The following LRP2 variants were observed in gnomAD, a reference collection of about 807,000 sequenced individuals.
LRP2 encodes the protein low-density lipoprotein receptor-related protein 2.
In LRP2, 172 loss-of-function variants were observed where a neutral mutation model predicts 531.0. The ratio of observed to expected loss-of-function variants is 0.32; its 90% confidence interval spans 0.29 to 0.37. The LOEUF is 0.37. LRP2 is among the 10% of genes least tolerant of loss of function. The pLI is 1.00. For synonymous variants in LRP2, 1,992 were observed against 2,027.6 expected, an observed-to-expected ratio of 0.98 and a Z score of 0.47; for missense variants, 5,167 against 5,868.3, an observed-to-expected ratio of 0.88 and a Z score of 3.90.
chr2:169,331,410 A>G (rs1050608749), intron 1 of LRP2, among the ~76,000 whole-genome samples: 1 of 152,164 alleles, frequency 6.6e-6, no homozygotes, highest in Non-Finnish European at 1.5e-5. Context: ...GCCAGCATCA[A>G]AGCACTGAAA....
chr2:169,229,096 T>C (rs1689307068), intron 31 of LRP2, among the ~76,000 whole-genome samples: 1 of 151,928 alleles, frequency 6.6e-6, no homozygotes, highest in East Asian at 1.9e-4. Flanking sequence ...GAACGCAGCA[T>C]CTAGAGGGCA....
At chr2:169,171,286 G>A (rs973574640) in intron 58 of LRP2, among the ~76,000 whole-genome samples, 4 of 152,202 alleles carry the variant, frequency 2.6e-5, no homozygotes, top group African/African-American at 9.6e-5. Context: ...GTTAGAATGT[G>A]TTTCATTAGT....
chr2:169,207,304 A>T, intron 38 of LRP2, 54 bp from the exon 39 acceptor site: 1 of 1,290,940 alleles, frequency 7.7e-7, no homozygotes, highest in South Asian at 1.2e-5. Context: ...GAAGAAAAAA[A>T]GGGAGAACTT....
rs375380592 is a variant in LRP2 at position 169,270,910 on chromosome 2, C to G, written c.2314G>C (p.Gly772Arg). 3 of 1,612,464 alleles carry G rather than the reference C, an allele frequency of 1.9e-6. No homozygotes were observed. Among genetic ancestry groups the G allele is most frequent in the Non-Finnish European group, 8.5e-7 (1 of 1,179,304 alleles). ...KHMIFKQKID[G>R]TGREILAANR... ...ACACACAAACCTTTCTCACCTGTGC[C>G]ATCAATCTTTTGCTTAAAAATCATG... Residue 772 changes from glycine to arginine, a missense_variant, in exon 16 of 79, where the codon GGC becomes CGC. Transcript: ENST00000649046.
chr2:169,134,625 C>G (rs895720976), intron 76 of LRP2, among the ~76,000 whole-genome samples: 1 of 152,156 alleles, frequency 6.6e-6, no homozygotes, highest in Admixed American at 6.5e-5. Flanking sequence ...CGCTCTGCCC[C>G]GCTCCACTAC....
chr2:169,263,815 T>G (rs1321728461), intron 16 of LRP2, among the ~76,000 whole-genome samples: 1 of 152,030 alleles, frequency 6.6e-6, no homozygotes, highest in African/African-American at 2.4e-5. Flanking sequence ...ATTGCGGCAC[T>G]ATTCACAATA....
At position 169,166,002 on chromosome 2, in the gene LRP2, G is replaced by A. The variant is rs1245508902; in HGVS notation, c.11688C>T (p.Cys3896=). 6.2e-7 allele frequency: 1 copy of A among 1,613,894 alleles called. No individual in the cohort carries two copies. Among genetic ancestry groups the A allele is most frequent in the Non-Finnish European group, 8.5e-7 (1 of 1,179,920 alleles). The change falls in exon 62 of 79, where the codon TGC becomes TGT. Residue 3896 remains cysteine (C), a synonymous_variant. Coordinates refer to ENST00000649046, the MANE Select transcript of LRP2 (RefSeq NM_004525.3). ...PNRFRCDNNR[C]IYSHEVCNGV... is the part of the protein sequence containing the mutation. The stretch of plus-strand genomic sequence containing the variant: ...CATTGCACACCTCATGACTATAAAT[G>A]CAGCGATTGTTGTCACACCGGAAAC...
chr2:169,311,022 G>A (rs1375114757), intron 3 of LRP2, among the ~76,000 whole-genome samples: 3 of 152,158 alleles, frequency 2.0e-5, no homozygotes, highest in African/African-American at 7.2e-5. Context: ...ATGGTAGTTT[G>A]TATTTCTGAG....
Position 169,206,147 on chromosome 2 carries a change from T to C in LRP2, c.7432A>G (p.Arg2478Gly), listed in dbSNP as rs769455040. 1.2e-5 allele frequency: 19 copies of C among 1,614,094 alleles called. No individual in the cohort carries two copies. The highest frequency in any genetic ancestry group is 1.6e-5 in the Non-Finnish European group (19 of 1,180,028). Residue 2478 changes from arginine to glycine, a missense_variant, in exon 40 of 79, where the codon AGA becomes GGA. By Grantham distance (125) the Arg-to-Gly change is moderately radical. This residue lies in a region of LRP2 where 1,129 missense variants were observed against 1,362.7 expected (regional missense o/e 0.83). Coordinates refer to ENST00000649046, the MANE Select transcript of LRP2 (RefSeq NM_004525.3). The stretch of plus-strand genomic sequence containing the variant: ...AGGTAGTCACTGTAATAAATTCTTC[T>C]AGTAATCCAGTCAAAGGCAATGCCA... ...ADGIAFDWIT[R>G]RIYYSDYLNQ...
rs574127995 is a variant in LRP2, at chr2:169,271,452, A to G, written c.2117-345T>C. ...CGGGTGCAGCACACCAACATGGCAC[A>G]TGTATACATATGTAACAAACCTGCA... is the stretch of plus-strand genomic sequence containing the variant. On this transcript the variant is annotated intron_variant, in intron 15 of 78. Coordinates refer to ENST00000649046, the MANE Select transcript of LRP2 (RefSeq NM_004525.3). Among the ~76,000 whole-genome samples the G allele has an allele frequency of 1.9e-4, 29 of 152,232 alleles. No homozygotes were observed. The South Asian group carries it at 5.2e-3, about 27-fold the overall frequency.
At chr2:169,334,673 T>C (rs1685356419) in intron 1 of LRP2, among the ~76,000 whole-genome samples, 1 of 152,188 alleles carries the variant, frequency 6.6e-6, no homozygotes, top group South Asian at 2.1e-4. Context: ...CTAAGTTCCA[T>C]GAGGGCAGGA....
At chr2:169,217,724 T>A (rs985768332) in intron 34 of LRP2, among the ~76,000 whole-genome samples, 2 of 152,164 alleles carry the variant, frequency 1.3e-5, no homozygotes, top group African/African-American at 4.8e-5. Flanking sequence ...AGACTTTATA[T>A]CATGTTCCGC....
At chr2:169,168,510 C>G in intron 61 of LRP2, 29 bp downstream of exon 61, 5 of 1,613,772 alleles carry the variant, frequency 3.1e-6, no homozygotes, top group East Asian at 2.2e-5. Context: ...CAACACCACT[C>G]CCATTCACTC....
intron 1 of LRP2, among the ~76,000 whole-genome samples, chr2:169,342,839 T>C (rs1239712347): frequency 6.6e-6 from 1 of 152,248 alleles, no homozygotes; most frequent in African/African-American, 2.4e-5. Context: ...TTATTTTAAC[T>C]GTAATTATTA....
At chr2:169,248,486 G>A (rs188600497) in intron 19 of LRP2, among the ~76,000 whole-genome samples, 339 of 152,322 alleles carry the variant, frequency 2.2e-3, no homozygotes, top group African/African-American at 6.1e-3. Context: ...AATAAGTAAG[G>A]AGTTCAATAA....
chr2:169,207,156 T>C lies in LRP2; in HGVS notation c.6564A>G (p.Thr2188=). ...CAACAATATGCCTAGGCATGTCCAC[T>C]GTGACTTTAAGAAGAACACGGCGGT... ...TTYRRVLLKV[T]VDMPRHIVVD... The change falls in exon 39 of 79, where the codon ACA becomes ACG. Residue 2188 remains threonine, a synonymous_variant. Coordinates refer to ENST00000649046, the MANE Select transcript of LRP2 (RefSeq NM_004525.3). 1 of 1,613,432 alleles carries C rather than the reference T, an allele frequency of 6.2e-7. No individual in the cohort carries two copies. The highest frequency in any genetic ancestry group is 8.5e-7 in the Non-Finnish European group (1 of 1,179,720).
At chr2:169,281,645 G>C (rs1467699157) in intron 10 of LRP2, among the ~76,000 whole-genome samples, 2 of 151,862 alleles carry the variant, frequency 1.3e-5, no homozygotes, top group African/African-American at 2.4e-5. Flanking sequence ...CTGAACCCGG[G>C]AGGCGGAGGT....
chr2:169,161,532 A>G (rs999602803), intron 63 of LRP2, among the ~76,000 whole-genome samples: 17 of 152,150 alleles, frequency 1.1e-4, no homozygotes, highest in Admixed American at 7.9e-4. Flanking sequence ...GCTGGAGTAC[A>G]GTGGCACAAT....
At chr2:169,180,270 C>T (rs574543729) in intron 52 of LRP2, among the ~76,000 whole-genome samples, 31 of 152,244 alleles carry the variant, frequency 2.0e-4, no homozygotes, top group Non-Finnish European at 3.1e-4. Flanking sequence ...CTTTGATGTG[C>T]CTTTTAAGAG....
Sources: gnomAD v4.1 joint callset for allele counts (sites outside exome capture counted in the v4.1 genomes callset) on GRCh38, gnomAD v4.1.1 for gene constraint, gnomAD v4.1.1 regional missense constraint, MANE v1.5 for transcripts, NCBI Gene and HGNC (gene_info 2026-07-23, HGNC 2026-07-21) for gene names.